The following EBF1 variants were observed in gnomAD, a reference collection of about 807,000 sequenced individuals.
EBF1 encodes the protein EBF transcription factor 1.
Under a neutral mutation model 68.4 loss-of-function variants are expected in EBF1, and 10 were observed. That is an observed-to-expected ratio of 0.15 (90% CI 0.09 to 0.25). The LOEUF is 0.25. EBF1 is among the 10% of genes least tolerant of loss of function. The probability of loss-of-function intolerance (pLI) is 1.00; values close to 1 mark genes in which losing one functional copy is unlikely to be tolerated. For synonymous variants in EBF1, 298 were observed against 299.8 expected (o/e 0.99, Z 0.06); for missense variants, 509 against 794.4 (o/e 0.64, Z 4.32).
chr5:159,001,004 T>G (rs759800722), intron 6 of EBF1, among the ~76,000 whole-genome samples: 26 of 152,190 alleles, frequency 1.7e-4, no homozygotes, highest in Non-Finnish European at 2.8e-4. Flanking sequence ...ATACTCCTCT[T>G]TTTTTCCAAC....
chr5:158,796,561 A>C, intron 8 of EBF1, 86 bp from the exon 9 acceptor site: 5 of 1,451,158 alleles, frequency 3.4e-6, no homozygotes, highest in Non-Finnish European at 4.6e-6. Context: ...AAGGAAAAAA[A>C]AAATCTTTTA....
At chr5:158,991,290 T>C (rs1315302924) in intron 6 of EBF1, among the ~76,000 whole-genome samples, 2 of 152,214 alleles carry the variant, frequency 1.3e-5, no homozygotes, top group African/African-American at 4.8e-5. Flanking sequence ...TCATAGGCCA[T>C]TGTTTCATGA....
At chr5:158,903,848 A>T (rs1036779098) in intron 6 of EBF1, among the ~76,000 whole-genome samples, 1 of 151,612 alleles carries the variant, frequency 6.6e-6, no homozygotes, top group African/African-American at 2.4e-5. Context: ...AATTTTCCAC[A>T]CTCTTCTGCT....
chr5:158,777,653 T>G, intron 9 of EBF1, 114 bp from the exon 10 acceptor site: 1 of 1,110,266 alleles, frequency 9.0e-7, no homozygotes, highest in Non-Finnish European at 1.2e-6. Flanking sequence ...CTGTCTATGT[T>G]TAAATCCAAT....
intron 15 of EBF1, among the ~76,000 whole-genome samples, chr5:158,700,786 C>A (rs545558711): frequency 4.6e-5 from 7 of 152,288 alleles, no homozygotes; most frequent in South Asian, 2.1e-4. Flanking sequence ...TTTGCAAGAG[C>A]CTTTTTGCAG....
chr5:158,708,260 C>T, intron 14 of EBF1, 87 bp from the exon 15 acceptor site: 1 of 1,352,556 alleles, frequency 7.4e-7, no homozygotes, highest in South Asian at 1.4e-5. Flanking sequence ...CACCCAGCCA[C>T]CTTGCTCTGC....
At position 158,924,438 on chromosome 5, in the gene EBF1, A is replaced by G. The variant is rs78781335; in HGVS notation, c.555-84328T>C. On this transcript the variant is annotated intron_variant, in intron 6 of 15. Coordinates refer to ENST00000313708, the MANE Select transcript of EBF1 (RefSeq NM_024007.5). Reference sequence around the variant, plus strand: ...AGAAAATCTCCTTCATTTGTTCAACATAGACATAGATGCAGAGGGCAAATC... The same window carrying G: ...AGAAAATCTCCTTCATTTGTTCAACGTAGACATAGATGCAGAGGGCAAATC... 2.1e-3 allele frequency among the ~76,000 whole-genome samples: 315 copies of G among 152,324 alleles called. 3 individuals are homozygous for G. In the East Asian group the frequency reaches 0.043, roughly 21 times the overall value.
intron 6 of EBF1, among the ~76,000 whole-genome samples, chr5:158,867,084 C>T (rs1796055838): frequency 6.6e-6 from 1 of 151,808 alleles, no homozygotes; most frequent in South Asian, 2.1e-4. Context: ...CATGACAGTC[C>T]CATAAAAGTG....
intron 6 of EBF1, among the ~76,000 whole-genome samples, chr5:159,048,072 A>G (rs114285162): frequency 6.6e-6 from 1 of 152,302 alleles, no homozygotes; most frequent in Non-Finnish European, 1.5e-5. Context: ...GAGCAAAATC[A>G]TAACACCTGG....
At chr5:158,855,501 C>A (rs1326678893) in intron 6 of EBF1, among the ~76,000 whole-genome samples, 1 of 152,176 alleles carries the variant, frequency 6.6e-6, no homozygotes, top group Non-Finnish European at 1.5e-5. Context: ...CCACAGAATG[C>A]CAAGCTCTTC....
intron 10 of EBF1, among the ~76,000 whole-genome samples, chr5:158,766,171 TATC>T (rs1772627957): frequency 6.6e-6 from 1 of 152,148 alleles, no homozygotes; most frequent in African/African-American, 2.4e-5. Context: ...ATTGACCTCT[TATC>T]ATTACAAGCA....
At chr5:158,716,986 C>T (rs1379411718) in intron 11 of EBF1, among the ~76,000 whole-genome samples, 1 of 152,088 alleles carries the variant, frequency 6.6e-6, no homozygotes, top group Non-Finnish European at 1.5e-5. Flanking sequence ...ACTTCATTTA[C>T]CTTGAAATGT....
chr5:158,801,967 GCCT>G (rs1476187154), intron 8 of EBF1, among the ~76,000 whole-genome samples: 1 of 152,146 alleles, frequency 6.6e-6, no homozygotes, highest in African/African-American at 2.4e-5. Flanking sequence ...TCGCACTTCA[GCCT>G]CCAATAGAAA....
At chr5:158,828,660 C>T (rs909225769) in intron 7 of EBF1, among the ~76,000 whole-genome samples, 2 of 152,132 alleles carry the variant, frequency 1.3e-5, no homozygotes, top group African/African-American at 2.4e-5. Context: ...AATAACTTTG[C>T]AAAATGTTAC....
At chr5:158,700,045 G>C (rs1756389655) in intron 15 of EBF1, among the ~76,000 whole-genome samples, 1 of 152,226 alleles carries the variant, frequency 6.6e-6, no homozygotes, top group Non-Finnish European at 1.5e-5. Context: ...TTGGAGAGGT[G>C]AATAAAATGA....
At chr5:159,037,944 T>A (rs1269366728) in intron 6 of EBF1, among the ~76,000 whole-genome samples, 1 of 152,300 alleles carries the variant, frequency 6.6e-6, no homozygotes, top group East Asian at 1.9e-4. Context: ...CAAGTCAATT[T>A]GCAGGGACTG....
At chr5:159,010,526 TA>T (rs931622574) in intron 6 of EBF1, among the ~76,000 whole-genome samples, 36 of 152,346 alleles carry the variant, frequency 2.4e-4, no homozygotes, top group African/African-American at 7.9e-4. Flanking sequence ...TTTGGACAGC[TA>T]AGATCAAAGT....
At chr5:159,045,122 AC>A (rs1772079131) in intron 6 of EBF1, among the ~76,000 whole-genome samples, 1 of 152,136 alleles carries the variant, frequency 6.6e-6, no homozygotes. Context: ...AAAAAAAGAA[AC>A]TTTGGTTCAT....
At chr5:158,920,660 C>A (rs1315865199) in intron 6 of EBF1, among the ~76,000 whole-genome samples, 1 of 152,132 alleles carries the variant, frequency 6.6e-6, no homozygotes, top group Admixed American at 6.5e-5. Flanking sequence ...CTCACTGCAG[C>A]CTGCAACTCC....
Sources: allele counts gnomAD v4.1 joint callset (sites outside exome capture counted in the v4.1 genomes callset), GRCh38; gene constraint gnomAD v4.1.1; transcripts MANE v1.5; gene names NCBI Gene and HGNC (gene_info 2026-07-23, HGNC 2026-07-21).